Variants in ASIC2 observed in about 807,000 individuals in gnomAD.
The protein encoded by ASIC2 is acid sensing ion channel subunit 2, also known as acid-sensing ion channel 2.
A neutral mutation model predicts 57.3 loss-of-function variants in ASIC2; 25 were observed. The ratio of observed to expected loss-of-function variants is 0.44; its 90% CI spans 0.32 to 0.61. The LOEUF (loss-of-function observed/expected upper bound fraction) is 0.61. Among genes scored for constraint, ASIC2 ranks in the 20% least tolerant of loss-of-function variants. The pLI, the probability that ASIC2 is intolerant of heterozygous loss-of-function variation, is 0.06. For missense variants in ASIC2, 641 were observed against 738.1 expected, an observed-to-expected ratio of 0.87 and a Z score of 1.52; for synonymous variants, 319 against 307.5, an observed-to-expected ratio of 1.04 and a Z score of -0.39.
chr17:34,001,489 G>T (rs554385759), intron 1 of ASIC2: 1 of 152,646 alleles, frequency 6.6e-6, no homozygotes, highest in South Asian at 2.1e-4. Flanking sequence ...ATCCACTGAG[G>T]TGGTCCTAGC....
At chr17:33,436,099 A>T (rs919147254) in intron 1 of ASIC2, among the ~76,000 whole-genome samples, 1 of 152,262 alleles carries the variant, frequency 6.6e-6, no homozygotes, top group Non-Finnish European at 1.5e-5. Context: ...TCTTGCTTCT[A>T]ACCTCACAAT....
chr17:33,154,025 T>G (rs182874126), intron 1 of ASIC2, among the ~76,000 whole-genome samples: 1 of 152,276 alleles, frequency 6.6e-6, no homozygotes, highest in Admixed American at 6.5e-5. Flanking sequence ...TTCATGAACA[T>G]CCTGCAGACT....
chr17:33,161,856 G>GTT (rs1905169324), intron 1 of ASIC2, among the ~76,000 whole-genome samples: 1 of 118,870 alleles, frequency 8.4e-6, no homozygotes, highest in Non-Finnish European at 1.7e-5. Context: ...AGAATTCCTA[G>GTT]GTTTTTTTTT....
chr17:33,471,877 T>C (rs1178521001), intron 1 of ASIC2, among the ~76,000 whole-genome samples: 1 of 152,142 alleles, frequency 6.6e-6, no homozygotes, highest in East Asian at 1.9e-4. Context: ...TCTAATTTAA[T>C]GAAACACTCT....
At chr17:34,039,930 C>A (rs1908044722) in intron 1 of ASIC2, 3 of 1,462,380 alleles carry the variant, frequency 2.1e-6, no homozygotes, top group Middle Eastern at 2.4e-4. Flanking sequence ...GACCCCGACC[C>A]GACCCGGCTG....
chr17:33,865,759 TAAAAAAAAAAAAC>T (rs1326942462), intron 1 of ASIC2, among the ~76,000 whole-genome samples: 6 of 122,108 alleles, frequency 4.9e-5, no homozygotes, highest in Admixed American at 8.2e-5. Flanking sequence ...AAAAAAAAAA[TAAAAAAAAAAAAC>T]AAAAAAAAAA....
chr17:33,670,360 C>T (rs1907605393), intron 1 of ASIC2, among the ~76,000 whole-genome samples: 2 of 152,266 alleles, frequency 1.3e-5, no homozygotes, highest in Admixed American at 1.3e-4. Context: ...AAGCCTGAGC[C>T]AGTTATGTTA....
intron 1 of ASIC2, among the ~76,000 whole-genome samples, chr17:33,600,321 A>G (rs2142009613): frequency 6.6e-6 from 1 of 152,346 alleles, no homozygotes; most frequent in Non-Finnish European, 1.5e-5. Context: ...CATAGCGAGA[A>G]GGTCCTCACC....
intron 1 of ASIC2, among the ~76,000 whole-genome samples, chr17:33,409,030 A>G (rs1320100447): frequency 3.9e-5 from 6 of 152,150 alleles, no homozygotes; most frequent in Non-Finnish European, 8.8e-5. Flanking sequence ...CCTGGCTAAC[A>G]TGGAGAAACT....
At chr17:33,144,817 G>T (rs1904489016) in intron 1 of ASIC2, among the ~76,000 whole-genome samples, 1 of 152,134 alleles carries the variant, frequency 6.6e-6, no homozygotes, top group Non-Finnish European at 1.5e-5. Flanking sequence ...CATGTACCTA[G>T]ACCCCTACCC....
chr17:33,172,482 G>T (rs1905561049), intron 1 of ASIC2, among the ~76,000 whole-genome samples: 1 of 152,170 alleles, frequency 6.6e-6, no homozygotes, highest in South Asian at 2.1e-4. Context: ...TAGGTGTAGG[G>T]TGCAGGCCTT....
At chr17:33,085,575 G>A (rs559181827) in intron 3 of ASIC2, among the ~76,000 whole-genome samples, 7 of 152,272 alleles carry the variant, frequency 4.6e-5, no homozygotes, top group African/African-American at 1.7e-4. Flanking sequence ...GCTCTGTGAG[G>A]GCAGAGACTG....
At chr17:33,404,599 A>G (rs557814339) in intron 1 of ASIC2, among the ~76,000 whole-genome samples, 3 of 152,326 alleles carry the variant, frequency 2.0e-5, no homozygotes, top group African/African-American at 7.2e-5. Context: ...TTTTGACCTG[A>G]CAGCTCATCA....
At chr17:34,107,346 A>T (rs1245921668) in intron 1 of ASIC2, among the ~76,000 whole-genome samples, 2 of 150,102 alleles carry the variant, frequency 1.3e-5, no homozygotes, top group East Asian at 4.0e-4. Context: ...AACTAAAAAT[A>T]AAAAAATAAA....
At chr17:33,459,463 G>A (rs935856492) in intron 1 of ASIC2, among the ~76,000 whole-genome samples, 8 of 152,108 alleles carry the variant, frequency 5.3e-5, no homozygotes, top group African/African-American at 7.2e-5. Flanking sequence ...AGCTAAATAC[G>A]TTTCCTTTCT....
At chr17:34,033,748 A>C (rs1473109906) in intron 1 of ASIC2, among the ~76,000 whole-genome samples, 1 of 152,216 alleles carries the variant, frequency 6.6e-6, no homozygotes, top group Non-Finnish European at 1.5e-5. Flanking sequence ...CTACACAAAT[A>C]AACTAGAAAA....
intron 1 of ASIC2, among the ~76,000 whole-genome samples, chr17:33,210,666 G>A (rs571344641): frequency 2.8e-4 from 43 of 152,292 alleles, no homozygotes; most frequent in African/African-American, 8.4e-4. Flanking sequence ...TACTTAGCAG[G>A]GAATATGGGG....
chr17:34,135,131 C>G (rs1479795773), intron 1 of ASIC2, among the ~76,000 whole-genome samples: 2 of 152,188 alleles, frequency 1.3e-5, no homozygotes, highest in Non-Finnish European at 2.9e-5. Context: ...TTGGAAAGCT[C>G]TTAATTAATA....
At chr17:33,846,486 A>G (rs1913606057) in intron 1 of ASIC2, among the ~76,000 whole-genome samples, 1 of 152,170 alleles carries the variant, frequency 6.6e-6, no homozygotes, top group African/African-American at 2.4e-5. Flanking sequence ...TGATCTGCAG[A>G]GTGGGATGGG....
Sources: allele counts gnomAD v4.1 joint callset (sites outside exome capture counted in the v4.1 genomes callset), GRCh38; gene constraint gnomAD v4.1.1; transcripts MANE v1.5; gene names NCBI Gene and HGNC (gene_info 2026-07-23, HGNC 2026-07-21).